Variants in CORIN observed in about 807,000 individuals in gnomAD.
The protein encoded by CORIN is atrial natriuretic peptide-converting enzyme.
CORIN carries 117 observed loss-of-function variants against 125.3 expected under a neutral mutation model. The observed-to-expected ratio is 0.93, with a 90% CI of 0.80 to 1.09. The LOEUF (loss-of-function observed/expected upper bound fraction) is 1.09, where lower values mean the gene tolerates loss of function less well. Among genes scored for constraint, CORIN ranks in the 50% least tolerant of loss-of-function variants. The pLI, the probability that CORIN is intolerant of heterozygous loss-of-function variation, is 0.00. For missense variants in CORIN, 1,253 were observed against 1,306.7 expected (o/e 0.96, Z 0.63); for synonymous variants, 450 against 466.4 (o/e 0.96, Z 0.45).
intron 4 of CORIN, among the ~76,000 whole-genome samples, chr4:47,752,284 T>C (rs1221575651): frequency 6.6e-6 from 1 of 152,186 alleles, no homozygotes; most frequent in East Asian, 1.9e-4. Context: ...TTACTGCCTA[T>C]CTCTCACCGG....
chr4:47,615,196 A>C (rs374763124), intron 19 of CORIN, among the ~76,000 whole-genome samples: 1 of 152,234 alleles, frequency 6.6e-6, no homozygotes, highest in Non-Finnish European at 1.5e-5. Context: ...GGAGACTAGA[A>C]GGAGACACAG....
rs1421118492 is a variant in CORIN at position 47,731,881 on chromosome 4, G to A, written c.799+12521C>T. Among the ~76,000 whole-genome samples, 7 of 150,314 alleles carry A rather than the reference G, an allele frequency of 4.7e-5. 1 individual carries two copies. Among genetic ancestry groups the A allele is most frequent in the Admixed American group, 2.7e-4 (4 of 15,086 alleles). On this transcript the variant is annotated intron_variant, in intron 5 of 21. Transcript: ENST00000273857. ...AAGACTCCATCTCAAAAAAAAAAAA[G>A]AAAAAAAATTAGCAAATGTTGTTGG...
chr4:47,635,179 G>A (rs561851914), intron 16 of CORIN, among the ~76,000 whole-genome samples: 19 of 152,312 alleles, frequency 1.2e-4, no homozygotes, highest in Middle Eastern at 3.4e-3. Context: ...GAGCCAGATA[G>A]ACAAGGGTTA....
intron 4 of CORIN, among the ~76,000 whole-genome samples, chr4:47,752,870 G>T (rs1357711181): frequency 1.3e-5 from 2 of 152,150 alleles, no homozygotes; most frequent in Non-Finnish European, 2.9e-5. Context: ...GATCACAAAA[G>T]AAATGTGCAA....
intron 4 of CORIN, among the ~76,000 whole-genome samples, chr4:47,751,275 G>T (rs1482701060): frequency 6.6e-6 from 1 of 152,086 alleles, no homozygotes; most frequent in Non-Finnish European, 1.5e-5. Context: ...TTTTTTCGGG[G>T]AGTATAGCTC....
intron 3 of CORIN, among the ~76,000 whole-genome samples, chr4:47,785,837 A>G (rs1359539569): frequency 6.7e-6 from 1 of 149,490 alleles, no homozygotes; most frequent in Non-Finnish European, 1.5e-5. Flanking sequence ...ACTTGAACCC[A>G]GGAGGCAGAG....
chr4:47,642,132 A>G, intron 15 of CORIN, 83 bp from the exon 16 acceptor site: 27 of 1,367,578 alleles, frequency 2.0e-5, no homozygotes, highest in Non-Finnish European at 2.7e-5. Flanking sequence ...CCTCTGCTTC[A>G]TTGGCATACA....
chr4:47,609,803 TG>T (rs1721803449), intron 19 of CORIN, among the ~76,000 whole-genome samples: 1 of 152,204 alleles, frequency 6.6e-6, no homozygotes, highest in African/African-American at 2.4e-5. Context: ...TCCCACTATG[TG>T]TCCATGTGTT....
chr4:47,795,576 G>A (rs116333251), intron 2 of CORIN, among the ~76,000 whole-genome samples: 24 of 150,984 alleles, frequency 1.6e-4, no homozygotes, highest in Middle Eastern at 3.4e-3. Flanking sequence ...GACATAAAAA[G>A]CACTGGCAAC....
chr4:47,646,612 A>G (rs756558043), intron 13 of CORIN, among the ~76,000 whole-genome samples: 51 of 152,236 alleles, frequency 3.4e-4, no homozygotes, highest in Admixed American at 9.2e-4. Context: ...ACATGAAGGA[A>G]GAGACTACAT....
At chr4:47,709,779 A>G (rs1441600987) in intron 5 of CORIN, among the ~76,000 whole-genome samples, 1 of 151,980 alleles carries the variant, frequency 6.6e-6, no homozygotes, top group Admixed American at 6.6e-5. Context: ...TTCATTCTGA[A>G]TAGCTGTAAA....
At position 47,677,848 on chromosome 4, in the gene CORIN, T is replaced by A. The variant is rs557925095; in HGVS notation, c.1249+90A>T. ...CAATCTGGGATTATTTACATGGGAATCCTACTTAAGCAACTTCAAATGTGT... is the reference window on the plus strand; with the variant it reads ...CAATCTGGGATTATTTACATGGGAAACCTACTTAAGCAACTTCAAATGTGT... On this transcript the variant is annotated intron_variant, in intron 9 of 21. Transcript: ENST00000273857. 1.4e-5 allele frequency: 13 copies of A among 896,566 alleles called. No individual in the cohort carries two copies. In the East Asian group the frequency reaches 2.4e-4, roughly 17 times the overall value. 55.5% of individuals were successfully genotyped at this position (896,566 alleles called of 1,614,324 possible).
intron 11 of CORIN, among the ~76,000 whole-genome samples, chr4:47,664,192 T>C (rs1441882262): frequency 2.0e-5 from 3 of 152,310 alleles, no homozygotes; most frequent in Non-Finnish European, 2.9e-5. Flanking sequence ...TCATCCTGTA[T>C]ATGCAAACCC....
chr4:47,735,104 T>C (rs546041742), intron 5 of CORIN, among the ~76,000 whole-genome samples: 2 of 152,346 alleles, frequency 1.3e-5, no homozygotes, highest in Admixed American at 1.3e-4. Flanking sequence ...TAATCCCTTA[T>C]ATGATTAAGA....
intron 10 of CORIN, 135 bp from the exon 11 acceptor site, chr4:47,665,398 T>A (rs568196181): frequency 4.1e-5 from 26 of 638,124 alleles, no homozygotes; most frequent in Non-Finnish European, 6.5e-5. Flanking sequence ...GTATATAACA[T>A]TTTTTATGGA....
intron 19 of CORIN, among the ~76,000 whole-genome samples, chr4:47,619,448 G>C (rs935140081): frequency 2.0e-5 from 3 of 152,146 alleles, no homozygotes; most frequent in African/African-American, 7.2e-5. Context: ...GTTCCCAAAA[G>C]TTTGCTACTC....
chr4:47,710,390 T>C (rs1726780593), intron 5 of CORIN, among the ~76,000 whole-genome samples: 1 of 152,234 alleles, frequency 6.6e-6, no homozygotes, highest in Non-Finnish European at 1.5e-5. Flanking sequence ...CTCTAATAAT[T>C]CCTTGATAAA....
At chr4:47,630,622 C>T (rs930430331) in intron 16 of CORIN, among the ~76,000 whole-genome samples, 7 of 152,072 alleles carry the variant, frequency 4.6e-5, no homozygotes, top group African/African-American at 1.5e-4. Context: ...CAGTGGAGGC[C>T]CAATTGCCAT....
chr4:47,694,587 A>T (rs1201483976), intron 5 of CORIN, among the ~76,000 whole-genome samples: 1 of 152,130 alleles, frequency 6.6e-6, no homozygotes, highest in Non-Finnish European at 1.5e-5. Flanking sequence ...GTTACAGGGA[A>T]TCCAGGAATA....
Sources: allele counts gnomAD v4.1 joint callset (sites outside exome capture counted in the v4.1 genomes callset), GRCh38; gene constraint gnomAD v4.1.1; transcripts MANE v1.5; gene names NCBI Gene and HGNC (gene_info 2026-07-23, HGNC 2026-07-21).